Variants in TMEM108 observed in about 807,000 individuals in gnomAD.
TMEM108 encodes cancer/testis antigen 124.
In TMEM108, 12 loss-of-function variants were observed where a neutral mutation model predicts 35.1. That is an observed-to-expected ratio of 0.34 (90% confidence interval 0.22 to 0.55). TMEM108 has a LOEUF of 0.55. TMEM108 is among the 20% of genes least tolerant of loss of function. The probability of loss-of-function intolerance (pLI) is 0.89; values close to 1 mark genes in which losing one functional copy is unlikely to be tolerated. For missense variants in TMEM108, 680 were observed against 753.3 expected (o/e 0.90, Z 1.14); for synonymous variants, 287 against 308.6 (o/e 0.93, Z 0.73).
Position 133,379,927 on chromosome 3 carries a change from AC to A in TMEM108, c.222del (p.Ser75HisfsTer30). 6.2e-7 allele frequency: 1 copy of A among 1,610,720 alleles called. No homozygotes were observed. The highest frequency in any genetic ancestry group is 8.5e-7 in the Non-Finnish European group (1 of 1,178,982). ...TGATGCTGACCCCCAATCCCGATGGACCCCCCTCACAGGCTGCAGCTCCCAT... is the reference window on the plus strand; with the variant it reads ...TGATGCTGACCCCCAATCCCGATGGACCCCCTCACAGGCTGCAGCTCCCAT... ...VVMLTPNPDG[P>X]PSQAAAPMAT... On this transcript the variant is annotated frameshift_variant, in exon 4 of 6. Transcript: ENST00000321871. LOFTEE classifies it high-confidence loss of function.
At chr3:133,066,774 G>T (rs979922542) in intron 2 of TMEM108, among the ~76,000 whole-genome samples, 44 of 152,252 alleles carry the variant, frequency 2.9e-4, no homozygotes, top group African/African-American at 1.0e-3. Flanking sequence ...TGCCTTTGAA[G>T]CCCCCAATGT....
intron 2 of TMEM108, among the ~76,000 whole-genome samples, chr3:133,090,009 A>G (rs1943929334): frequency 6.6e-6 from 1 of 152,206 alleles, no homozygotes; most frequent in African/African-American, 2.4e-5. Context: ...TGGGTTGAAC[A>G]TAGGTTGTAG....
chr3:133,071,693 T>C (rs898497798), intron 2 of TMEM108, among the ~76,000 whole-genome samples: 5 of 152,190 alleles, frequency 3.3e-5, no homozygotes, highest in African/African-American at 1.2e-4. Flanking sequence ...TGTGTTGACT[T>C]TTTTTGTTGA....
chr3:133,107,350 A>C (rs1944164586), intron 2 of TMEM108, among the ~76,000 whole-genome samples: 1 of 152,020 alleles, frequency 6.6e-6, no homozygotes, highest in Admixed American at 6.6e-5. Flanking sequence ...AGATTTTTCT[A>C]CTTCTAGCAT....
At chr3:133,149,744 A>G (rs1944770986) in intron 2 of TMEM108, among the ~76,000 whole-genome samples, 1 of 152,190 alleles carries the variant, frequency 6.6e-6, no homozygotes, top group African/African-American at 2.4e-5. Flanking sequence ...AAGGGAATAT[A>G]TATATGTCTC....
Position 133,395,960 on chromosome 3 carries a change from G to T in TMEM108, c.1702G>T (p.Gly568Ter). 1 of 1,601,282 alleles carries T rather than the reference G, an allele frequency of 6.2e-7. No homozygotes were observed. Among genetic ancestry groups the T allele is most frequent in the Non-Finnish European group, 8.5e-7 (1 of 1,174,346 alleles). Residue 568 changes from glycine to a stop codon, truncating the protein, a stop_gained, in exon 6 of 6, where the codon GGA (glycine) becomes TGA (stop). Coordinates refer to ENST00000321871, the MANE Select transcript of TMEM108 (RefSeq NM_023943.4). LOFTEE classifies it high-confidence loss of function. ...NPFCQETLFV[G>*]NDQVSEI ...CTTCTGTCAAGAAACACTGTTTGTG[G>T]GAAACGATCAAGTATCTGAGATCTA...
chr3:133,127,642 T>A (rs576824233), intron 2 of TMEM108, among the ~76,000 whole-genome samples: 1 of 152,338 alleles, frequency 6.6e-6, no homozygotes, highest in East Asian at 1.9e-4. Flanking sequence ...TCTGCCTCCC[T>A]CAGGCTCCTC....
intron 3 of TMEM108, among the ~76,000 whole-genome samples, chr3:133,266,125 G>C (rs1946693722): frequency 6.6e-6 from 1 of 151,838 alleles, no homozygotes; most frequent in African/African-American, 2.4e-5. Flanking sequence ...AGTTTCCTTA[G>C]CCTAGATTTT....
At chr3:133,303,604 T>G (rs1298043353) in intron 3 of TMEM108, among the ~76,000 whole-genome samples, 3 of 152,156 alleles carry the variant, frequency 2.0e-5, no homozygotes, top group African/African-American at 7.2e-5. Context: ...CATTCATGAA[T>G]TATGTTATCT....
intron 2 of TMEM108, among the ~76,000 whole-genome samples, chr3:133,155,779 C>A (rs1944872353): frequency 6.6e-6 from 1 of 152,104 alleles, no homozygotes; most frequent in African/African-American, 2.4e-5. Flanking sequence ...CAGATATTTT[C>A]TCCCGTTCTG....
At chr3:133,234,532 C>T (rs1946204451) in intron 3 of TMEM108, among the ~76,000 whole-genome samples, 1 of 152,122 alleles carries the variant, frequency 6.6e-6, no homozygotes, top group African/African-American at 2.4e-5. Flanking sequence ...CAGAAAAGGC[C>T]TTTAACAAAA....
At chr3:133,114,473 T>A (rs750547246) in intron 2 of TMEM108, among the ~76,000 whole-genome samples, 14 of 152,116 alleles carry the variant, frequency 9.2e-5, no homozygotes, top group Non-Finnish European at 1.6e-4. Context: ...TCCCAACTGT[T>A]CTTTTAGTAC....
intron 2 of TMEM108, among the ~76,000 whole-genome samples, chr3:133,133,827 G>C (rs566451535): frequency 6.6e-6 from 1 of 150,740 alleles, no homozygotes; most frequent in Admixed American, 6.6e-5. Flanking sequence ...GCAGTGGCGC[G>C]ATCTCGGCTC....
chr3:133,255,573 G>A (rs1433689053), intron 3 of TMEM108, among the ~76,000 whole-genome samples: 1 of 152,086 alleles, frequency 6.6e-6, no homozygotes, highest in African/African-American at 2.4e-5. Context: ...TACAGGTGGG[G>A]GTTCAAGAAC....
intron 2 of TMEM108, among the ~76,000 whole-genome samples, chr3:133,179,271 A>G (rs1408802006): frequency 2.0e-5 from 3 of 152,222 alleles, no homozygotes; most frequent in African/African-American, 4.8e-5. Context: ...ATCTAGAACT[A>G]GAAATACCAT....
chr3:133,194,697 T>C (rs1413890332), intron 2 of TMEM108, among the ~76,000 whole-genome samples: 1 of 152,164 alleles, frequency 6.6e-6, no homozygotes, highest in Non-Finnish European at 1.5e-5. Context: ...ACCAATTTCC[T>C]TTCTAATAAG....
At chr3:133,246,869 A>G (rs779032644) in intron 3 of TMEM108, 1 of 152,266 alleles carries the variant, frequency 6.6e-6, no homozygotes, top group South Asian at 2.1e-4. Context: ...CTCCAAAGGA[A>G]ATTGTTTCAT....
At chr3:133,255,332 A>T (rs1946530808) in intron 3 of TMEM108, among the ~76,000 whole-genome samples, 1 of 152,210 alleles carries the variant, frequency 6.6e-6, no homozygotes, top group South Asian at 2.1e-4. Context: ...AGACTACTCA[A>T]CTTGAAAAAA....
Position 133,093,111 on chromosome 3 carries a change from T to G in TMEM108, c.-47+47091T>G, listed in dbSNP as rs1943970091. On this transcript the variant is annotated intron_variant, in intron 2 of 5. Coordinates refer to ENST00000321871, the MANE Select transcript of TMEM108 (RefSeq NM_023943.4). Reference sequence around the variant, plus strand: ...TTCAAGTGATTCTCCTGTTTCAGCCTCTTGAGTAGCTAGGGCTACAGGAGT... The same window carrying G: ...TTCAAGTGATTCTCCTGTTTCAGCCGCTTGAGTAGCTAGGGCTACAGGAGT... 2.6e-5 allele frequency among the ~76,000 whole-genome samples: 4 copies of G among 151,788 alleles called. No homozygotes were observed. The South Asian group carries it at 8.3e-4, about 32-fold the overall frequency.
Sources: gnomAD v4.1 joint callset for allele counts (sites outside exome capture counted in the v4.1 genomes callset) on GRCh38, gnomAD v4.1.1 for gene constraint, MANE v1.5 for transcripts, NCBI Gene and HGNC (gene_info 2026-07-23, HGNC 2026-07-21) for gene names.